The following FRMPD4 variants were observed in gnomAD, a reference collection of about 807,000 sequenced individuals.
FRMPD4 encodes the protein FERM and PDZ domain containing 4.
FRMPD4 carries 22 observed loss-of-function variants against 94.1 expected under a neutral mutation model. That is an observed-to-expected ratio of 0.23 (90% CI 0.17 to 0.33). The LOEUF (loss-of-function observed/expected upper bound fraction) is 0.33. FRMPD4 is among the 10% of genes least tolerant of loss of function. FRMPD4 has a pLI of 1.00. For synonymous variants in FRMPD4, 631 were observed against 548.6 expected (o/e 1.15, Z -2.10); for missense variants, 1,111 against 1,339.9 (o/e 0.83, Z 2.67).
At chrX:12,664,822 A>G (rs1160746984) in intron 4 of FRMPD4, among the ~76,000 whole-genome samples, 2 of 111,671 alleles carry the variant, frequency 1.8e-5, no homozygotes, top group Non-Finnish European at 3.8e-5. Flanking sequence ...GGCTGTGAAT[A>G]TGTCTAGTCC....
intron 2 of FRMPD4, among the ~76,000 whole-genome samples, chrX:12,588,342 C>T (rs1380280169): frequency 8.9e-6 from 1 of 112,050 alleles, no homozygotes; most frequent in Admixed American, 9.4e-5. Context: ...ATGGCAGGGC[C>T]CAGGATTTCC....
intron 14 of FRMPD4, among the ~76,000 whole-genome samples, chrX:12,714,023 G>A (rs1420723105): frequency 8.9e-6 from 1 of 111,782 alleles, no homozygotes; most frequent in Non-Finnish European, 1.9e-5. Context: ...CTTGCTTTGA[G>A]CCTGCTGACC....
chrX:11,988,703 T>C (rs2054447426), intron 3 of FRMPD4, among the ~76,000 whole-genome samples: 1 of 111,599 alleles, frequency 9.0e-6, no homozygotes, highest in South Asian at 3.7e-4. Flanking sequence ...AAACTACCCA[T>C]CTGACAAGGA....
intron 3 of FRMPD4, among the ~76,000 whole-genome samples, chrX:12,022,307 A>G (rs1427904322): frequency 8.9e-6 from 1 of 112,503 alleles, no homozygotes. Flanking sequence ...GACAGCATGC[A>G]CACCTTCAGC....
At chrX:12,507,764 C>T (rs991299854) in intron 2 of FRMPD4, among the ~76,000 whole-genome samples, 1 of 111,804 alleles carries the variant, frequency 8.9e-6, no homozygotes, top group African/African-American at 3.3e-5. Context: ...CACCTATGAC[C>T]TACCTTAAAG....
At chrX:12,188,331 T>C (rs961055443) in intron 1 of FRMPD4, among the ~76,000 whole-genome samples, 1 of 111,701 alleles carries the variant, frequency 9.0e-6, no homozygotes, top group Non-Finnish European at 1.9e-5. Flanking sequence ...AACTTTTTCA[T>C]CTGTAAAATG....
chrX:12,099,675 T>C (rs1746063634), intron 3 of FRMPD4, among the ~76,000 whole-genome samples: 1 of 112,364 alleles, frequency 8.9e-6, no homozygotes, highest in Admixed American at 9.4e-5. Flanking sequence ...TTGGACACTG[T>C]ATTACGGAAC....
chrX:12,216,770 T>C (rs2147749960), intron 1 of FRMPD4, among the ~76,000 whole-genome samples: 1 of 112,193 alleles, frequency 8.9e-6, no homozygotes, highest in South Asian at 3.7e-4. Context: ...ATTCTGTTAG[T>C]AGAAAACTTC....
At chrX:12,294,467 T>TACACACACACACAC (rs766103055) in intron 1 of FRMPD4, among the ~76,000 whole-genome samples, 82 of 87,003 alleles carry the variant, frequency 9.4e-4, no homozygotes, top group African/African-American at 1.5e-3. Context: ...CTCATAACTG[T>TACACACACACACAC]ACACACACAC....
At chrX:12,146,765 A>G (rs769624111) in intron 1 of FRMPD4, among the ~76,000 whole-genome samples, 50 of 112,135 alleles carry the variant, frequency 4.5e-4, no homozygotes, top group Non-Finnish European at 7.1e-4. Flanking sequence ...CAATCCCTCA[A>G]TTTTTGTGGC....
At chrX:12,226,678 C>G (rs966861771) in intron 1 of FRMPD4, among the ~76,000 whole-genome samples, 5 of 111,121 alleles carry the variant, frequency 4.5e-5, no homozygotes, top group South Asian at 3.9e-4. Context: ...TCTTGAGCCC[C>G]CATTTCCACA....
intron 3 of FRMPD4, among the ~76,000 whole-genome samples, chrX:12,068,858 A>T (rs1051405851): frequency 7.1e-5 from 8 of 112,513 alleles, no homozygotes; most frequent in Non-Finnish European, 1.5e-4. Context: ...AGTGTCTACC[A>T]TATGTCAGAC....
chrX:12,006,094 G>C, intron 3 of FRMPD4, among the ~76,000 whole-genome samples: 1 of 111,699 alleles, frequency 9.0e-6, no homozygotes, highest in South Asian at 3.8e-4. Flanking sequence ...AGCAGTCACT[G>C]CCTGAAGCTC....
intron 1 of FRMPD4, among the ~76,000 whole-genome samples, chrX:11,854,774 G>A (rs986102603): frequency 1.8e-5 from 2 of 112,479 alleles, no homozygotes; most frequent in African/African-American, 6.5e-5. Context: ...TCCCTTCCTG[G>A]CTGTTTTCAC....
chrX:12,028,211 C>A (rs1408667875), intron 3 of FRMPD4, among the ~76,000 whole-genome samples: 1 of 112,071 alleles, frequency 8.9e-6, no homozygotes, highest in African/African-American at 3.2e-5. Context: ...CCCCACTTTT[C>A]TTGTTGGTGG....
At chrX:12,266,160 A>AAAAAAAAAAAAAAAAAAAG in intron 1 of FRMPD4, among the ~76,000 whole-genome samples, 1 of 103,777 alleles carries the variant, frequency 9.6e-6, no homozygotes, top group African/African-American at 3.8e-5. Context: ...AAAAAAAAAA[A>AAAAAAAAAAAAAAAAAAAG]AGAGAAAACA....
At chrX:11,930,017 A>G (rs980049895) in intron 3 of FRMPD4, among the ~76,000 whole-genome samples, 2 of 100,913 alleles carry the variant, frequency 2.0e-5, no homozygotes, top group Admixed American at 1.1e-4. Flanking sequence ...CTGAGGCAGG[A>G]GAATGGCGTG....
At chrX:12,572,492 T>G (rs1427309397) in intron 2 of FRMPD4, among the ~76,000 whole-genome samples, 1 of 112,478 alleles carries the variant, frequency 8.9e-6, no homozygotes, top group Non-Finnish European at 1.9e-5. Flanking sequence ...AAATTAAAAA[T>G]AAAATCATTT....
intron 1 of FRMPD4, among the ~76,000 whole-genome samples, chrX:12,324,345 T>C (rs1375093981): frequency 8.9e-6 from 1 of 112,413 alleles, no homozygotes; most frequent in Non-Finnish European, 1.9e-5. Context: ...CACTGAAGTC[T>C]GTCCATGACC....
Sources: gnomAD v4.1 joint callset for allele counts (sites outside exome capture counted in the v4.1 genomes callset) on GRCh38, gnomAD v4.1.1 for gene constraint, MANE v1.5 for transcripts, NCBI Gene and HGNC (gene_info 2026-07-23, HGNC 2026-07-21) for gene names.